Variants in TEAD1 observed in about 807,000 individuals in gnomAD.
TEAD1 encodes the protein TEA domain transcription factor 1.
TEAD1 carries 9 observed loss-of-function variants against 54.9 expected under a neutral mutation model. That is an observed-to-expected ratio of 0.16 (90% CI 0.10 to 0.29). The LOEUF (loss-of-function observed/expected upper bound fraction) is 0.29. TEAD1 is among the 10% of genes least tolerant of loss of function. The pLI is 1.00. For synonymous variants in TEAD1, 200 were observed against 187.8 expected, an observed-to-expected ratio of 1.07 and a Z score of -0.53; for missense variants, 387 against 535.9, an observed-to-expected ratio of 0.72 and a Z score of 2.74.
intron 3 of TEAD1, among the ~76,000 whole-genome samples, chr11:12,772,785 T>C (rs1945338628): frequency 6.6e-6 from 1 of 152,200 alleles, no homozygotes; most frequent in African/African-American, 2.4e-5. Context: ...AACCCAGTGA[T>C]ACGACTCAGA....
At chr11:12,697,171 G>A (rs1022731455) in intron 2 of TEAD1, among the ~76,000 whole-genome samples, 4 of 141,400 alleles carry the variant, frequency 2.8e-5, no homozygotes, top group South Asian at 2.5e-4. Flanking sequence ...CTCCCTGCCC[G>A]CCCATCCCTG....
At chr11:12,825,298 A>G (rs1415324530) in intron 3 of TEAD1, among the ~76,000 whole-genome samples, 1 of 152,256 alleles carries the variant, frequency 6.6e-6, no homozygotes, top group Non-Finnish European at 1.5e-5. Context: ...CTTTATTTTC[A>G]GATGAATTGA....
At position 12,937,476 on chromosome 11, in the gene TEAD1, C is replaced by T. The variant is rs1418366157; in HGVS notation, c.*254C>T. 1 of 347,620 alleles carries T rather than the reference C, an allele frequency of 2.9e-6. No homozygotes were observed. Among genetic ancestry groups the T allele is most frequent in the Non-Finnish European group, 5.4e-6 (1 of 184,860 alleles). The allele number at this position is 347,620 out of a possible 1,614,324, so 21.5% of individuals were successfully genotyped here. ...AATTGAGTTGTTTCTCTATGTTCTT[C>T]AGATGTGCAGCCCACAATTCCTCGG... On this transcript the variant is annotated 3_prime_UTR_variant, in exon 13 of 13. Coordinates refer to ENST00000527636, the MANE Select transcript of TEAD1 (RefSeq NM_021961.6).
At chr11:12,809,145 G>A (rs112288972) in intron 3 of TEAD1, among the ~76,000 whole-genome samples, 1 of 152,318 alleles carries the variant, frequency 6.6e-6, no homozygotes, top group African/African-American at 2.4e-5. Flanking sequence ...TGCATGGCAA[G>A]TGTGAACATG....
At position 12,943,856 on chromosome 11, in the gene TEAD1, T is replaced by G. The variant is rs950447342; in HGVS notation, c.*6634T>G. On this transcript the variant is annotated 3_prime_UTR_variant, in exon 13 of 13. Transcript: ENST00000527636. ...ATCTCCCTATTACCTCCTTGAAAGA[T>G]TTACTTCTGTAGGCCTTTTTCAATA... 2 of 152,272 alleles carry G rather than the reference T, an allele frequency of 1.3e-5. No individual in the cohort carries two copies. The highest frequency in any genetic ancestry group is 4.8e-5 in the African/African-American group (2 of 41,356). The allele number at this position is 152,272 out of a possible 1,614,324, so 9.4% of individuals were successfully genotyped here.
At chr11:12,809,836 T>C (rs1309243948) in intron 3 of TEAD1, among the ~76,000 whole-genome samples, 1 of 152,092 alleles carries the variant, frequency 6.6e-6, no homozygotes, top group Admixed American at 6.6e-5. Flanking sequence ...CCTTGTATGC[T>C]CCGAGCCCTG....
At chr11:12,822,921 A>G (rs1946581672) in intron 3 of TEAD1, among the ~76,000 whole-genome samples, 1 of 152,254 alleles carries the variant, frequency 6.6e-6, no homozygotes, top group Admixed American at 6.5e-5. Flanking sequence ...AGACCATAAA[A>G]TAAGTGAACT....
intron 3 of TEAD1, among the ~76,000 whole-genome samples, chr11:12,780,242 A>AT (rs200775672): frequency 0.06 from 8,403 of 140,450 alleles, 871 homozygotes; most frequent in African/African-American, 0.2. Context: ...TCAATTGTAA[A>AT]TTTTTTTTTT....
At chr11:12,836,531 C>T (rs1946896025) in intron 3 of TEAD1, among the ~76,000 whole-genome samples, 1 of 152,060 alleles carries the variant, frequency 6.6e-6, no homozygotes, top group African/African-American at 2.4e-5. Flanking sequence ...AAACTGGAAT[C>T]GTTATGTTGC....
intron 3 of TEAD1, among the ~76,000 whole-genome samples, chr11:12,842,842 T>C (rs2134036914): frequency 6.6e-6 from 1 of 152,192 alleles, no homozygotes; most frequent in South Asian, 2.1e-4. Context: ...TTTAAGAGAG[T>C]TATAAGCATC....
At chr11:12,874,232 A>T (rs1947810783) in intron 5 of TEAD1, among the ~76,000 whole-genome samples, 1 of 152,220 alleles carries the variant, frequency 6.6e-6, no homozygotes, top group African/African-American at 2.4e-5. Context: ...GTTCATGGTA[A>T]TACCTATAGA....
At chr11:12,828,263 A>AAC (rs1297082789) in intron 3 of TEAD1, 1 of 152,194 alleles carries the variant, frequency 6.6e-6, no homozygotes, top group Non-Finnish European at 1.5e-5. Flanking sequence ...AGCCCGCTGA[A>AAC]ACAATTGCTG....
chr11:12,759,765 G>A (rs1053438848), intron 2 of TEAD1, among the ~76,000 whole-genome samples: 2 of 152,202 alleles, frequency 1.3e-5, no homozygotes, highest in Non-Finnish European at 2.9e-5. Flanking sequence ...GGAAGGCTGA[G>A]GCAGGAGAAT....
intron 3 of TEAD1, among the ~76,000 whole-genome samples, chr11:12,837,265 G>C (rs866827286): frequency 7.1e-4 from 107 of 150,426 alleles, no homozygotes; most frequent in African/African-American, 2.3e-3. Context: ...CTCTTTGGCT[G>C]TGTGCTTAAA....
chr11:12,938,096 A>G lies in TEAD1; in HGVS notation c.*874A>G, dbSNP rs1949126751. ...ACATACTGAAAAAATCTAAACTTAC[A>G]ATGTTTATAGTCTTGTGTGTGCAGT... is the stretch of plus-strand genomic sequence containing the variant. On this transcript the variant is annotated 3_prime_UTR_variant, in exon 13 of 13. Transcript: ENST00000527636. 6.6e-6 allele frequency: 1 copy of G among 152,642 alleles called. No individual in the cohort carries two copies. The highest frequency in any genetic ancestry group is 2.4e-5 in the African/African-American group (1 of 41,460). The allele number at this position is 152,642 out of a possible 1,614,324, so 9.5% of individuals were successfully genotyped here. A position where few individuals can be genotyped will look rare whatever the true frequency, so the allele number is the denominator to read the frequency against.
At chr11:12,712,373 T>C (rs1367549043) in intron 2 of TEAD1, among the ~76,000 whole-genome samples, 1 of 152,198 alleles carries the variant, frequency 6.6e-6, no homozygotes, top group Non-Finnish European at 1.5e-5. Context: ...TGACATTTTA[T>C]GTGCACCTAC....
chr11:12,868,057 A>G (rs1947660182), intron 5 of TEAD1, among the ~76,000 whole-genome samples: 1 of 152,168 alleles, frequency 6.6e-6, no homozygotes, highest in Admixed American at 6.5e-5. Flanking sequence ...CCGAAACCAG[A>G]CTTGCATTTG....
intron 3 of TEAD1, among the ~76,000 whole-genome samples, chr11:12,843,914 A>G (rs1003377027): frequency 6.6e-6 from 1 of 152,234 alleles, no homozygotes; most frequent in Non-Finnish European, 1.5e-5. Flanking sequence ...TATTAAAGGA[A>G]TAATCAGCCC....
chr11:12,932,633 A>G (rs1032795357), intron 12 of TEAD1, among the ~76,000 whole-genome samples: 9 of 152,202 alleles, frequency 5.9e-5, no homozygotes, highest in Admixed American at 1.3e-4. Flanking sequence ...TAGTGCTCCC[A>G]TAAGATGATA....
Sources: allele counts gnomAD v4.1 joint callset (sites outside exome capture counted in the v4.1 genomes callset), GRCh38; gene constraint gnomAD v4.1.1; transcripts MANE v1.5; gene names NCBI Gene and HGNC (gene_info 2026-07-23, HGNC 2026-07-21).